The following FABP6 variants were observed in gnomAD, a reference collection of about 807,000 sequenced individuals.
FABP6 encodes fatty acid binding protein 6, also known as gastrotropin.
Under a neutral mutation model 14.9 loss-of-function variants are expected in FABP6, and 13 were observed. The observed-to-expected ratio is 0.87, with a 90% CI of 0.57 to 1.39. The LOEUF is 1.39. Among genes scored for constraint, FABP6 ranks in the 40% most tolerant of loss-of-function variants. The pLI, the probability that FABP6 is intolerant of heterozygous loss-of-function variation, is 0.00. For missense variants in FABP6, 161 were observed against 167.2 expected, an observed-to-expected ratio of 0.96 and a Z score of 0.20; for synonymous variants, 75 against 63.6, an observed-to-expected ratio of 1.18 and a Z score of -0.85.
intron 2 of FABP6, among the ~76,000 whole-genome samples, chr5:160,233,244 T>C (rs920556779): frequency 2.0e-5 from 3 of 151,918 alleles, no homozygotes; most frequent in Non-Finnish European, 4.4e-5. Context: ...CCTCCTAAAG[T>C]GCTGGGATTA....
chr5:160,232,681 G>C (rs1348149333), intron 2 of FABP6, among the ~76,000 whole-genome samples: 1 of 152,034 alleles, frequency 6.6e-6, no homozygotes, highest in Non-Finnish European at 1.5e-5. Context: ...TGGATGGCTC[G>C]AGGCCAGGAT....
chr5:160,228,498 C>A (rs1194591021), upstream of FABP6: 1 of 456,142 alleles, frequency 2.2e-6, no homozygotes, highest in African/African-American at 2.0e-5. Flanking sequence ...GATGGGTAGG[C>A]CGGAGTGATC....
chr5:160,214,103 CTT>C (rs1178063866), intron 3 of FABP6, among the ~76,000 whole-genome samples: 6 of 120,936 alleles, frequency 5.0e-5, no homozygotes, highest in African/African-American at 2.0e-4. Flanking sequence ...TTCTTTCTTT[CTT>C]TCTTTCTTTC....
At chr5:160,207,777 G>A (rs1436191837) in intron 2 of FABP6, among the ~76,000 whole-genome samples, 2 of 149,272 alleles carry the variant, frequency 1.3e-5, no homozygotes, top group African/African-American at 5.0e-5. Context: ...AGGCTGGAGT[G>A]CGATGGCATG....
chr5:160,199,603 A>G (rs927122446), intron 2 of FABP6, among the ~76,000 whole-genome samples: 12 of 152,020 alleles, frequency 7.9e-5, no homozygotes, highest in Admixed American at 3.3e-4. Flanking sequence ...GAGGCCTCGC[A>G]CTTCCTCTCT....
intron 2 of FABP6, among the ~76,000 whole-genome samples, chr5:160,199,616 C>G (rs1759589318): frequency 6.6e-6 from 1 of 152,168 alleles, no homozygotes; most frequent in Non-Finnish European, 1.5e-5. Flanking sequence ...TCCTCTCTGT[C>G]TTGCCATTCC....
Position 160,232,119 on chromosome 5 carries a change from A to C in FABP6, c.89A>C (p.Glu30Ala). 1.2e-6 allele frequency: 2 copies of C among 1,613,896 alleles called. No individual in the cohort carries two copies. The highest frequency in any genetic ancestry group is 8.5e-7 in the Non-Finnish European group (1 of 1,179,900). The change falls in exon 2 of 4, where the codon GAA (glutamate) becomes GCA (alanine). Residue 30 changes from glutamate (E) to alanine (A), a missense_variant. Glu to Ala is a moderately radical substitution (Grantham distance 107). Coordinates refer to ENST00000402432, the MANE Select transcript of FABP6 (RefSeq NM_001445.3). ...CCAGGGATCTCCAGCGATGTAATCG[A>C]AAAGGCCCGCAACTTCAAGATCGTC... is the stretch of plus-strand genomic sequence containing the variant. ...KLLGISSDVI[E>A]KARNFKIVTE...
At chr5:160,191,668 G>A (rs4921259) in intron 1 of FABP6, among the ~76,000 whole-genome samples, 134,320 of 151,932 alleles carry the variant, frequency 0.88, 59,517 homozygotes, top group Non-Finnish European at 0.92. Flanking sequence ...CTGGTGTTGA[G>A]ATCCTGGGCT....
intron 3 of FABP6, among the ~76,000 whole-genome samples, chr5:160,237,373 A>T (rs919835934): frequency 1.3e-5 from 2 of 152,204 alleles, no homozygotes; most frequent in East Asian, 3.9e-4. Context: ...AGGAACACAC[A>T]CATGTATGCA....
rs562235938 is a variant in FABP6, at chr5:160,230,151, G to C, written c.67+527G>C. Among the ~76,000 whole-genome samples, 22 of 151,692 alleles carry C rather than the reference G, an allele frequency of 1.5e-4. No individual in the cohort carries two copies. The South Asian group carries it at 4.6e-3, about 32-fold the overall frequency. On this transcript the variant is annotated intron_variant, in intron 1 of 3. Coordinates refer to ENST00000402432, the MANE Select transcript of FABP6 (RefSeq NM_001445.3). ...ACCCAGCTCGACCTCCCAAAGTGCT[G>C]GAATTACAGGCGTGAGCTGCCGCAC...
At chr5:160,237,229 G>A (rs1760536466) in intron 3 of FABP6, among the ~76,000 whole-genome samples, 1 of 152,050 alleles carries the variant, frequency 6.6e-6, no homozygotes, top group African/African-American at 2.4e-5. Flanking sequence ...GTTTGGGCCT[G>A]ACAAGAGAAT....
At chr5:160,234,787 C>T in intron 2 of FABP6, 33 bp from the exon 3 acceptor site, 2 of 1,553,054 alleles carry the variant, frequency 1.3e-6, no homozygotes, top group Non-Finnish European at 1.7e-6. Context: ...TCACCTGCAA[C>T]AACCCAGGCT....
intron 3 of FABP6, among the ~76,000 whole-genome samples, chr5:160,236,800 G>A (rs1410313101): frequency 6.0e-5 from 9 of 149,942 alleles, no homozygotes; most frequent in South Asian, 4.2e-4. Flanking sequence ...GGTGAAACCC[G>A]GTCTCTACTA....
intron 2 of FABP6, among the ~76,000 whole-genome samples, chr5:160,203,094 G>T (rs1237553296): frequency 6.6e-6 from 1 of 152,002 alleles, no homozygotes; most frequent in Non-Finnish European, 1.5e-5. Context: ...TAGAGATGGG[G>T]TTTCACTGTG....
chr5:160,215,685 CAAA>C (rs112644160), intron 3 of FABP6, among the ~76,000 whole-genome samples: 1 of 104,156 alleles, frequency 9.6e-6, no homozygotes. Flanking sequence ...AAGACCTTGT[CAAA>C]AAAAAAAAAA....
intron 2 of FABP6, among the ~76,000 whole-genome samples, chr5:160,208,940 C>A (rs1440059668): frequency 6.6e-6 from 1 of 151,962 alleles, no homozygotes; most frequent in African/African-American, 2.4e-5. Context: ...CTACACCCAA[C>A]TAATTTTTTG....
At chr5:160,215,074 T>C (rs1759983406) in intron 3 of FABP6, among the ~76,000 whole-genome samples, 1 of 152,252 alleles carries the variant, frequency 6.6e-6, no homozygotes, top group Non-Finnish European at 1.5e-5. Flanking sequence ...TAGTTTTGAA[T>C]AATGCTATTG....
chr5:160,216,414 C>A (rs991337744), intron 3 of FABP6, among the ~76,000 whole-genome samples: 1 of 151,860 alleles, frequency 6.6e-6, no homozygotes, highest in South Asian at 2.1e-4. Context: ...ATTACAGGCA[C>A]GTGCCACCAT....
intron 1 of FABP6, among the ~76,000 whole-genome samples, chr5:160,188,983 T>C (rs1347705834): frequency 6.6e-6 from 1 of 152,168 alleles, no homozygotes; most frequent in Non-Finnish European, 1.5e-5. Context: ...TTTTTTTGTT[T>C]TTCTTTATTT....
Sources: gnomAD v4.1 joint callset for allele counts (sites outside exome capture counted in the v4.1 genomes callset) on GRCh38, gnomAD v4.1.1 for gene constraint, MANE v1.5 for transcripts, NCBI Gene and HGNC (gene_info 2026-07-23, HGNC 2026-07-21) for gene names.